HPSE2: variants seen among roughly 807,000 people sequenced by gnomAD.
HPSE2 encodes the protein heparanase 2 (inactive), also known as inactive heparanase-2.
A neutral mutation model predicts 60.5 loss-of-function variants in HPSE2; 38 were observed. The ratio of observed to expected loss-of-function variants is 0.63; its 90% CI spans 0.48 to 0.82. The LOEUF (loss-of-function observed/expected upper bound fraction) is 0.82, where lower values mean the gene tolerates loss of function less well. Among genes scored for constraint, HPSE2 ranks in the 40% least tolerant of loss-of-function variants. The probability of loss-of-function intolerance (pLI) is 0.00; values close to 1 mark genes in which losing one functional copy is unlikely to be tolerated. For synonymous variants in HPSE2, 295 were observed against 293.2 expected, an observed-to-expected ratio of 1.01 and a Z score of -0.06; for missense variants, 713 against 740.4, an observed-to-expected ratio of 0.96 and a Z score of 0.43.
the HPSE2 span, among the ~76,000 whole-genome samples, chr10:99,281,935 A>C: frequency 6.6e-6 from 1 of 152,282 alleles, no homozygotes; most frequent in East Asian, 1.9e-4. Flanking sequence ...TATTATTATC[A>C]GAAAAAAAAA....
At chr10:98,646,185 T>C (rs1056713631) in intron 6 of HPSE2, among the ~76,000 whole-genome samples, 1 of 152,214 alleles carries the variant, frequency 6.6e-6, no homozygotes, top group Non-Finnish European at 1.5e-5. Context: ...CTGATGGTAG[T>C]TGCATGTGGT....
the HPSE2 span, among the ~76,000 whole-genome samples, chr10:99,304,519 T>C: frequency 3.9e-5 from 6 of 152,242 alleles, no homozygotes; most frequent in East Asian, 1.9e-4. Flanking sequence ...CCAAGAACGC[T>C]TGTGGGCTAA....
chr10:99,131,944 T>C (rs1182336530), intron 3 of HPSE2, among the ~76,000 whole-genome samples: 1 of 151,600 alleles, frequency 6.6e-6, no homozygotes, highest in Admixed American at 6.6e-5. Context: ...AAACCCCATC[T>C]CTACTAAAAA....
chr10:98,576,412 A>C (rs1944641026), intron 9 of HPSE2, among the ~76,000 whole-genome samples: 2 of 152,164 alleles, frequency 1.3e-5, no homozygotes, highest in Non-Finnish European at 2.9e-5. Context: ...GAAACAGAAA[A>C]TGTTGAACTC....
At position 98,969,964 on chromosome 10, in the gene HPSE2, AC is replaced by A. The variant is rs201214254; in HGVS notation, c.610+174273del. 3.3e-3 allele frequency among the ~76,000 whole-genome samples: 435 copies of A among 130,604 alleles called. 1 individual carries two copies. The highest frequency in any genetic ancestry group is 0.023 in the East Asian group (111 of 4,760). 85.7% of individuals were successfully genotyped at this position (130,604 alleles called of 152,430 possible). A position where few individuals can be genotyped will look rare whatever the true frequency, so the allele number is the denominator to read the frequency against. ...AAGAGGTGGGGAACAGCTGTCACCC[AC>A]TTTTTTTTTTTTCTGAGATGCACTT... On this transcript the variant is annotated intron_variant, in intron 3 of 11. Coordinates refer to ENST00000370552, the MANE Select transcript of HPSE2 (RefSeq NM_021828.5).
At chr10:98,777,332 C>T (rs1414956) in intron 3 of HPSE2, among the ~76,000 whole-genome samples, 123,874 of 152,116 alleles carry the variant, frequency 0.81, 50,916 homozygotes, top group African/African-American at 0.9. Context: ...AACAGACAAA[C>T]TGAATTCAAA....
At chr10:98,555,523 G>A (rs985412848) in intron 9 of HPSE2, among the ~76,000 whole-genome samples, 5 of 152,166 alleles carry the variant, frequency 3.3e-5, no homozygotes, top group Non-Finnish European at 4.4e-5. Flanking sequence ...CACGGGATTC[G>A]TTTGTCCATT....
chr10:99,256,452 C>A, the HPSE2 span, among the ~76,000 whole-genome samples: 1 of 147,524 alleles, frequency 6.8e-6, no homozygotes, highest in African/African-American at 2.5e-5. Flanking sequence ...GACTTCCCAG[C>A]GTCTCGAACC....
chr10:98,934,803 C>T (rs1332824114), intron 3 of HPSE2, among the ~76,000 whole-genome samples: 1 of 143,370 alleles, frequency 7.0e-6, no homozygotes, highest in Non-Finnish European at 1.5e-5. Context: ...CTTTGGATTT[C>T]CTGAATTTGA....
rs184069485 is a variant in HPSE2 at position 98,483,692 on chromosome 10, C to T, written c.1467-910G>A. Among the ~76,000 whole-genome samples, 701 of 152,272 alleles carry T rather than the reference C, an allele frequency of 4.6e-3. 6 individuals are homozygous for T. The highest frequency in any genetic ancestry group is 0.017 in the Middle Eastern group (5 of 294). ...CTAGGCAGAAGCTTTAGGACTCAGC[C>T]CATCTTTTGCCATGTTTCATTTCCC... On this transcript the variant is annotated intron_variant, in intron 10 of 11. Coordinates refer to ENST00000370552, the MANE Select transcript of HPSE2 (RefSeq NM_021828.5).
At chr10:99,040,230 T>C (rs1036392124) in intron 3 of HPSE2, among the ~76,000 whole-genome samples, 1 of 152,202 alleles carries the variant, frequency 6.6e-6, no homozygotes, top group Non-Finnish European at 1.5e-5. Context: ...TTAATAGTTG[T>C]ATGTATTTCA....
intron 9 of HPSE2, among the ~76,000 whole-genome samples, chr10:98,553,268 A>C (rs1943911697): frequency 6.6e-6 from 1 of 152,222 alleles, no homozygotes; most frequent in Admixed American, 6.5e-5. Context: ...TCTTACTACA[A>C]AGTTATATTG....
At chr10:99,084,133 C>T (rs139943283) in intron 3 of HPSE2, among the ~76,000 whole-genome samples, 2,292 of 152,060 alleles carry the variant, frequency 0.015, 31 homozygotes, top group Middle Eastern at 0.037. Flanking sequence ...TTGTCTTGTG[C>T]CCTTTGCAGC....
chr10:98,524,480 A>G (rs966245319), intron 9 of HPSE2, among the ~76,000 whole-genome samples: 2 of 152,170 alleles, frequency 1.3e-5, no homozygotes, highest in African/African-American at 4.8e-5. Context: ...AATGGTATTT[A>G]TTCTAAGTAA....
intron 3 of HPSE2, among the ~76,000 whole-genome samples, chr10:98,840,220 G>A (rs923051172): frequency 5.9e-5 from 9 of 152,162 alleles, no homozygotes; most frequent in African/African-American, 1.4e-4. Flanking sequence ...TGAATTAATA[G>A]TTCAGCTGGG....
intron 9 of HPSE2, among the ~76,000 whole-genome samples, chr10:98,607,743 G>C (rs1945634391): frequency 6.6e-6 from 1 of 152,000 alleles, no homozygotes; most frequent in African/African-American, 2.4e-5. Flanking sequence ...TCATCCTTTA[G>C]TCATCATTGC....
intron 3 of HPSE2, among the ~76,000 whole-genome samples, chr10:99,054,560 T>C (rs1339410948): frequency 1.3e-5 from 2 of 152,198 alleles, no homozygotes; most frequent in Non-Finnish European, 2.9e-5. Context: ...ATCACAGATC[T>C]TCCACAGATC....
chr10:98,878,695 T>C (rs1230376399), intron 3 of HPSE2, among the ~76,000 whole-genome samples: 1 of 151,960 alleles, frequency 6.6e-6, no homozygotes, highest in Non-Finnish European at 1.5e-5. Context: ...GTTAAGAATG[T>C]GATGCTTTAT....
intron 3 of HPSE2, among the ~76,000 whole-genome samples, chr10:99,085,975 A>C (rs963263422): frequency 3.7e-4 from 56 of 152,154 alleles, no homozygotes; most frequent in Non-Finnish European, 7.1e-4. Flanking sequence ...TACCTCTGTC[A>C]CCTGTCAAAA....
Sources: gnomAD v4.1 joint callset for allele counts (sites outside exome capture counted in the v4.1 genomes callset) on GRCh38, gnomAD v4.1.1 for gene constraint, MANE v1.5 for transcripts, NCBI Gene and HGNC (gene_info 2026-07-23, HGNC 2026-07-21) for gene names.